RIPK1: variants seen among roughly 807,000 people sequenced by gnomAD.
RIPK1 encodes receptor-interacting serine/threonine-protein kinase 1.
RIPK1 carries 27 observed loss-of-function variants against 62.4 expected under a neutral mutation model. The observed-to-expected ratio is 0.43, with a 90% CI of 0.32 to 0.60. The LOEUF is 0.60. Ranked by LOEUF, RIPK1 falls within the 20% of genes least tolerant of loss-of-function variation. The pLI, the probability that RIPK1 is intolerant of heterozygous loss-of-function variation, is 0.07. For missense variants in RIPK1, 735 were observed against 831.0 expected (o/e 0.88, Z 1.42); for synonymous variants, 287 against 303.2 (o/e 0.95, Z 0.55).
chr6:3,100,965 A>C (rs1375711859), intron 7 of RIPK1, among the ~76,000 whole-genome samples: 1 of 152,178 alleles, frequency 6.6e-6, no homozygotes, highest in Admixed American at 6.6e-5. Flanking sequence ...AAGAAAATCA[A>C]TTTGATAAAA....
intron 7 of RIPK1, among the ~76,000 whole-genome samples, chr6:3,102,011 C>T (rs1052485609): frequency 6.6e-6 from 1 of 152,168 alleles, no homozygotes; most frequent in African/African-American, 2.4e-5. Flanking sequence ...TTCTAGGTAG[C>T]TCCTAGCAAA....
intron 5 of RIPK1, among the ~76,000 whole-genome samples, chr6:3,084,503 A>G (rs1433957001): frequency 6.7e-6 from 1 of 149,562 alleles, no homozygotes; most frequent in Non-Finnish European, 1.5e-5. Context: ...TCCCTTTCCC[A>G]TTCTTTACCT....
chr6:3,106,200 C>A, intron 9 of RIPK1, 149 bp downstream of exon 9: 1 of 631,676 alleles, frequency 1.6e-6, no homozygotes, highest in Non-Finnish European at 2.7e-6. Flanking sequence ...TGGAATGGAC[C>A]CTGCCAAACC....
In RIPK1 at chr6:3,076,699, C is replaced by CATACATAT. The variant is rs759690606; in HGVS notation, c.-60-62_-60-61insCATATATA. 1,994 of 216,830 alleles carry CATACATAT rather than the reference C, an allele frequency of 9.2e-3. 139 individuals are homozygous for CATACATAT. The highest frequency in any genetic ancestry group is 0.013 in the African/African-American group (320 of 24,186). 13.4% of individuals were successfully genotyped at this position (216,830 alleles called of 1,614,324 possible). The stretch of plus-strand genomic sequence containing the variant: ...TGTCTCCAAAGGAGAAAAAAAAAAA[C>CATACATAT]ATATATATATATATATATATATATA... On this transcript the variant is annotated intron_variant, in intron 1 of 10. Transcript: ENST00000259808.
At chr6:3,103,790 T>C (rs1760698435) in intron 7 of RIPK1, among the ~76,000 whole-genome samples, 1 of 152,238 alleles carries the variant, frequency 6.6e-6, no homozygotes, top group Admixed American at 6.5e-5. Context: ...CTTTGATCCA[T>C]TGTGAGTTAA....
In RIPK1 at chr6:3,105,798, T is replaced by G; in HGVS notation, c.1323T>G (p.Ser441Arg). 1.2e-6 allele frequency: 2 copies of G among 1,614,180 alleles called. No homozygotes were observed. The highest frequency in any genetic ancestry group is 1.7e-6 in the Non-Finnish European group (2 of 1,180,014). Residue 441 changes from serine (S) to arginine (R), a missense_variant, in exon 9 of 11, where the codon AGT (serine) becomes AGG (arginine). Transcript: ENST00000259808. This position sits in a 1 kb window ranked among gnomAD's most constrained non-coding sequence, Gnocchi z 4.5. ...AGGGAAAAGGCACTGCTTATTCCAG[T>G]GCAGCCAGTCATGGTAATGCAGTGC... Reference protein sequence around the residue: ...NTEGKGTAYSSAASHGNAVHQ... With the variant: ...NTEGKGTAYSRAASHGNAVHQ...
At chr6:3,110,505 G>A (rs910510949) in intron 9 of RIPK1, among the ~76,000 whole-genome samples, 5 of 151,928 alleles carry the variant, frequency 3.3e-5, no homozygotes, top group African/African-American at 9.7e-5. Context: ...ACCGCACCTG[G>A]CCCACTATAC....
chr6:3,103,779 T>G (rs1760698176), intron 7 of RIPK1, among the ~76,000 whole-genome samples: 2 of 152,244 alleles, frequency 1.3e-5, no homozygotes, highest in Admixed American at 1.3e-4. Context: ...TTAAATTAAG[T>G]CTTTGATCCA....
chr6:3,105,883 A>G lies in RIPK1; in HGVS notation c.1408A>G (p.Ser470Gly). ...QVLYQNNGLY[S>G]SHGFGTRPLD... The stretch of plus-strand genomic sequence containing the variant: ...ACTGTATCAGAACAATGGATTATAT[A>G]GCTCACATGGCTTTGGAACAAGACC... The change falls in exon 9 of 11, where the codon AGC (serine) becomes GGC (glycine). Residue 470 changes from serine (S) to glycine (G), a missense_variant. Transcript: ENST00000259808. This position sits in a 1 kb window ranked among gnomAD's most constrained non-coding sequence, Gnocchi z 4.5. 1 of 1,614,186 alleles carries G rather than the reference A, an allele frequency of 6.2e-7. No homozygotes were observed. Among genetic ancestry groups the G allele is most frequent in the Non-Finnish European group, 8.5e-7 (1 of 1,180,032 alleles).
At chr6:3,080,709 A>G (rs1759328077) in intron 3 of RIPK1, among the ~76,000 whole-genome samples, 1 of 152,160 alleles carries the variant, frequency 6.6e-6, no homozygotes, top group South Asian at 2.1e-4. Flanking sequence ...TTTGTTCTCA[A>G]GGAGCTTAAT....
chr6:3,083,044 GC>G (rs765583240), intron 4 of RIPK1, 40 bp from the exon 5 acceptor site: 1 of 1,586,974 alleles, frequency 6.3e-7, no homozygotes, highest in South Asian at 1.1e-5. Flanking sequence ...TTTGCTTACG[GC>G]CTTCACCAAA....
chr6:3,113,557 C>A lies in RIPK1; in HGVS notation c.*218C>A. On this transcript the variant is annotated 3_prime_UTR_variant, in exon 11 of 11. Transcript: ENST00000259808. This position sits in a 1 kb window ranked among gnomAD's most constrained non-coding sequence, Gnocchi z 5.0. Reference sequence around the variant, plus strand: ...CAGGCTGGTCTCAAACTTCTGGACTCAAGTGATCCTCCCGCCTCGGCCTTC... The same window carrying A: ...CAGGCTGGTCTCAAACTTCTGGACTAAAGTGATCCTCCCGCCTCGGCCTTC... The A allele has an allele frequency of 1.9e-6, 1 of 522,614 alleles. No homozygotes were observed. The highest frequency in any genetic ancestry group is 3.4e-6 in the Non-Finnish European group (1 of 294,898). 32.4% of individuals were successfully genotyped at this position (522,614 alleles called of 1,614,324 possible).
rs1477919903 is a variant in RIPK1 at position 3,105,098 on chromosome 6, C to T, written c.1007-384C>T. ...AACTCCTGACCTCAGGTGATCCGTC[C>T]GCCTCAGCCTCCCAACGTGCTAGGA... On this transcript the variant is annotated intron_variant, in intron 8 of 10. Transcript: ENST00000259808. The surrounding 1 kb of genome is among the most constrained non-coding windows in gnomAD (Gnocchi z 4.5). Among the ~76,000 whole-genome samples the T allele has an allele frequency of 1.3e-5, 2 of 152,082 alleles. No homozygotes were observed. The highest frequency in any genetic ancestry group is 1.9e-4 in the East Asian group (1 of 5,178).
upstream of RIPK1, among the ~76,000 whole-genome samples, chr6:3,065,264 C>CAAAAAAAAAA (rs57722248): frequency 3.0e-4 from 12 of 40,620 alleles, no homozygotes; most frequent in African/African-American, 1.2e-3. Flanking sequence ...GACTCCGTCT[C>CAAAAAAAAAA]AAAAAAAAAA....
chr6:3,101,954 C>G lies in RIPK1; in HGVS notation c.916-2271C>G, dbSNP rs181601290. On this transcript the variant is annotated intron_variant, in intron 7 of 10. Transcript: ENST00000259808. ...TGCTAAACGGTAACTCCCCATTCCT[C>G]CCTCTCCCAGCCCCTGGTAGCTTCT... is the stretch of plus-strand genomic sequence containing the variant. 3.0e-3 allele frequency among the ~76,000 whole-genome samples: 451 copies of G among 152,280 alleles called. 6 individuals are homozygous for G. Among genetic ancestry groups the G allele is most frequent in the African/African-American group, 0.01 (436 of 41,550 alleles).
Position 3,071,477 on chromosome 6 carries a change from C to T in RIPK1, c.-61+2816C>T, listed in dbSNP as rs577563300. On this transcript the variant is annotated intron_variant, in intron 1 of 10. Coordinates refer to ENST00000259808, the MANE Select transcript of RIPK1 (RefSeq NM_001354930.2). ...AGTTAAAATTATTTGCTATAACAGG[C>T]CAGCATGTCTTTGTCACTCTGTGTC... 3.3e-5 allele frequency among the ~76,000 whole-genome samples: 5 copies of T among 152,270 alleles called. No individual in the cohort carries two copies. The South Asian group carries it at 1.0e-3, about 32-fold the overall frequency.
At chr6:3,094,101 A>G (rs1760144965) in intron 7 of RIPK1, among the ~76,000 whole-genome samples, 1 of 140,402 alleles carries the variant, frequency 7.1e-6, no homozygotes, top group South Asian at 2.2e-4. Context: ...TGCACCTAGT[A>G]ACTGCAGAGT....
intron 1 of RIPK1, among the ~76,000 whole-genome samples, chr6:3,071,679 C>A (rs6596945): frequency 0.27 from 41,725 of 151,966 alleles, 6,366 homozygotes; most frequent in African/African-American, 0.41. Context: ...AATCACTGAA[C>A]ACCATGCAGA....
chr6:3,110,724 C>T (rs1034254969), intron 9 of RIPK1, 79 bp from the exon 10 acceptor site: 23 of 871,354 alleles, frequency 2.6e-5, no homozygotes, highest in South Asian at 1.0e-4. Context: ...GGCATAAAGC[C>T]CTGCTTTTTT....
Sources: allele counts gnomAD v4.1 joint callset (sites outside exome capture counted in the v4.1 genomes callset), GRCh38; gene constraint gnomAD v4.1.1; non-coding constraint Gnocchi (gnomAD v3.1); transcripts MANE v1.5; gene names NCBI Gene and HGNC (gene_info 2026-07-23, HGNC 2026-07-21).